TNFRSF14: variants seen among roughly 807,000 people sequenced by gnomAD.
TNFRSF14 encodes tumor necrosis factor receptor superfamily member 14.
TNFRSF14 carries 18 observed loss-of-function variants against 34.1 expected under a neutral mutation model. The observed-to-expected ratio is 0.53, with a 90% CI of 0.36 to 0.78. TNFRSF14 has a LOEUF of 0.78. Among genes scored for constraint, TNFRSF14 ranks in the 30% least tolerant of loss-of-function variants. TNFRSF14 has a pLI of 0.00. For missense variants in TNFRSF14, 352 were observed against 379.5 expected (o/e 0.93, Z 0.60); for synonymous variants, 157 against 153.2 (o/e 1.02, Z -0.18).
chr1:2,563,322 C>A lies in TNFRSF14; in HGVS notation c.*49C>A, dbSNP rs1644339047. The A allele has an allele frequency of 6.2e-7, 1 of 1,601,228 alleles. No homozygotes were observed. The highest frequency in any genetic ancestry group is 1.3e-5 in the African/African-American group (1 of 74,802). Reference sequence around the variant, plus strand: ...CCAGAGATACCTGGAGCGACGGCTGCTGAAAGAGGCTGTCCACCTGGCGGA... The same window carrying A: ...CCAGAGATACCTGGAGCGACGGCTGATGAAAGAGGCTGTCCACCTGGCGGA... On this transcript the variant is annotated 3_prime_UTR_variant, in exon 8 of 8. Coordinates refer to ENST00000355716, the MANE Select transcript of TNFRSF14 (RefSeq NM_003820.4).
Position 2,563,554 on chromosome 1 carries a change from G to A in TNFRSF14, c.*281G>A, listed in dbSNP as rs1303106178. On this transcript the variant is annotated 3_prime_UTR_variant, in exon 8 of 8. Coordinates refer to ENST00000355716, the MANE Select transcript of TNFRSF14 (RefSeq NM_003820.4). ...GAGCGCCAGTTGCCCCTCGCTCACA[G>A]ACCACACACCCAGCCCTCCTGGGCC... 3 of 432,256 alleles carry A rather than the reference G, an allele frequency of 6.9e-6. No individual in the cohort carries two copies. Among genetic ancestry groups the A allele is most frequent in the African/African-American group, 3.9e-5 (2 of 51,094 alleles). The allele number at this position is 432,256 out of a possible 1,614,324, so 26.8% of individuals were successfully genotyped here.
At position 2,561,355 on chromosome 1, in the gene TNFRSF14, A is replaced by T; in HGVS notation, c.552-318A>T. On this transcript the variant is annotated intron_variant, in intron 5 of 7. Transcript: ENST00000355716. The surrounding 1 kb of genome is among the most constrained non-coding windows in gnomAD (Gnocchi z 6.0). ...CCTCTACCTTCTGTCCTTGTCTGCC[A>T]CTGGTCTCCCGTGCTCTGGGGTCTC... The T allele has an allele frequency of 1.3e-6, 1 of 773,182 alleles. No individual in the cohort carries two copies. Among genetic ancestry groups the T allele is most frequent in the Non-Finnish European group, 2.0e-6 (1 of 488,228 alleles). The allele number at this position is 773,182 out of a possible 1,614,324, so 47.9% of individuals were successfully genotyped here.
Position 2,559,950 on chromosome 1 carries a change from C to T in TNFRSF14, c.432C>T (p.Ser144=). The T allele has an allele frequency of 6.3e-7, 1 of 1,587,404 alleles. No homozygotes were observed. Among genetic ancestry groups the T allele is most frequent in the Non-Finnish European group, 8.6e-7 (1 of 1,165,730 alleles). The change falls in exon 4 of 8, where the codon TCC becomes TCT. Residue 144 remains serine (S), a synonymous_variant. Transcript: ENST00000355716. ...HCAACRAYAT[S]SPGQRVQKGG... is the part of the protein sequence containing the mutation. ...CCGCGTGCCGCGCTTACGCCACCTC[C>T]AGCCCGGGCCAGAGGGTGCAGAAGG...
At position 2,556,698 on chromosome 1, in the gene TNFRSF14, TG is replaced by T; in HGVS notation, c.36del (p.Trp12Ter). On this transcript the variant is annotated frameshift_variant, in exon 1 of 8. Transcript: ENST00000355716. LOFTEE classifies it high-confidence loss of function. Reference protein sequence around the residue: ...EPPGDWGPPPWRSTPKTDVLR... With the variant: ...EPPGDWGPPPXRSTPKTDVLR... ...TCCTGGAGACTGGGGGCCTCCTCCC[TG>T]GAGATCCACCCCCAAAACCGACGTC... is the stretch of plus-strand genomic sequence containing the variant. 1 of 1,608,360 alleles carries T rather than the reference TG, an allele frequency of 6.2e-7. No individual in the cohort carries two copies. The highest frequency in any genetic ancestry group is 1.1e-5 in the South Asian group (1 of 90,096).
At chr1:2,559,771 A>G in intron 3 of TNFRSF14, 52 bp from the exon 4 acceptor site, 1 of 1,567,120 alleles carries the variant, frequency 6.4e-7, no homozygotes, top group Non-Finnish European at 8.6e-7. Flanking sequence ...TGGCCCGTGG[A>G]TGGTGTCCCG....
rs765427309 is a variant in TNFRSF14 at position 2,557,713 on chromosome 1, C to T, written c.70-13C>T. ...GCCAGGGCATCTCCCAATGCCTGTC[C>T]TGACCCCCTTAGGTGCTGTATCTCA... On this transcript the variant is annotated splice_polypyrimidine_tract_variant and intron_variant, in intron 1 of 7. Transcript: ENST00000355716. 3.1e-6 allele frequency: 5 copies of T among 1,588,048 alleles called. No homozygotes were observed. In the South Asian group the frequency reaches 3.4e-5, roughly 11 times the overall value.
At chr1:2,559,138 TA>T (rs1314121444) in intron 3 of TNFRSF14, 2 of 1,362,740 alleles carry the variant, frequency 1.5e-6, no homozygotes, top group South Asian at 2.5e-5. Context: ...GGCCTGAGCC[TA>T]CAGGGAGGCA....
At chr1:2,556,764 C>G in intron 1 of TNFRSF14, 31 bp downstream of exon 1, 3 of 1,564,222 alleles carry the variant, frequency 1.9e-6, no homozygotes, top group Non-Finnish European at 2.6e-6. Context: ...TCCGTCTGCT[C>G]GCAGATCCCA....
rs570275175 is a variant in TNFRSF14, at chr1:2,563,463, C to G, written c.*190C>G. 1 of 884,634 alleles carries G rather than the reference C, an allele frequency of 1.1e-6. No homozygotes were observed. Among genetic ancestry groups the G allele is most frequent in the Non-Finnish European group, 1.7e-6 (1 of 598,096 alleles). The allele number at this position is 884,634 out of a possible 1,614,324, so 54.8% of individuals were successfully genotyped here. ...AGCTGGGGACGCCACGTGCCATTCCCATGGGCCAGTGAGGGCCTGGGGCCT... is the reference window on the plus strand; with the variant it reads ...AGCTGGGGACGCCACGTGCCATTCCGATGGGCCAGTGAGGGCCTGGGGCCT... On this transcript the variant is annotated 3_prime_UTR_variant, in exon 8 of 8. Coordinates refer to ENST00000355716, the MANE Select transcript of TNFRSF14 (RefSeq NM_003820.4).
chr1:2,561,911 C>T lies in TNFRSF14; in HGVS notation c.694+96C>T. 1 of 1,361,234 alleles carries T rather than the reference C, an allele frequency of 7.3e-7. No individual in the cohort carries two copies. Among genetic ancestry groups the T allele is most frequent in the Non-Finnish European group, 1.0e-6 (1 of 992,052 alleles). 84.3% of individuals were successfully genotyped at this position (1,361,234 alleles called of 1,614,324 possible). A position where few individuals can be genotyped will look rare whatever the true frequency, so the allele number is the denominator to read the frequency against. ...CCTGGGAGGTGGCCCCAGAGCTTTTCCAGGATCCGCGGCTCCTCCCAGGGC... is the reference window on the plus strand; with the variant it reads ...CCTGGGAGGTGGCCCCAGAGCTTTTTCAGGATCCGCGGCTCCTCCCAGGGC... On this transcript the variant is annotated intron_variant, in intron 6 of 7. Coordinates refer to ENST00000355716, the MANE Select transcript of TNFRSF14 (RefSeq NM_003820.4). The surrounding 1 kb of genome is among the most constrained non-coding windows in gnomAD (Gnocchi z 6.0).
At chr1:2,560,744 G>A (rs1270022102) in intron 5 of TNFRSF14, 30 bp downstream of exon 5, 4 of 1,600,570 alleles carry the variant, frequency 2.5e-6, no homozygotes, top group East Asian at 2.2e-5. Flanking sequence ...GCCCAGCTCT[G>A]TGCCCTGGGG....
chr1:2,560,076 A>AGG (rs1644285715), intron 4 of TNFRSF14, 98 bp downstream of exon 4: 5 of 1,438,270 alleles, frequency 3.5e-6, no homozygotes, highest in Non-Finnish European at 9.2e-7. Context: ...TGGCCTGCCC[A>AGG]GGGGCCCTGG....
chr1:2,562,463 C>G (rs1187116920), intron 6 of TNFRSF14: 2 of 309,704 alleles, frequency 6.5e-6, no homozygotes, highest in African/African-American at 2.2e-5. Flanking sequence ...GGGGAGGTCT[C>G]GGGGCCTCAG....
chr1:2,561,440 C>A lies in TNFRSF14; in HGVS notation c.552-233C>A. The A allele has an allele frequency of 6.8e-7, 1 of 1,467,322 alleles. No homozygotes were observed. The highest frequency in any genetic ancestry group is 9.1e-7 in the Non-Finnish European group (1 of 1,100,270). The allele number at this position is 1,467,322 out of a possible 1,614,324, so 90.9% of individuals were successfully genotyped here. On this transcript the variant is annotated intron_variant, in intron 5 of 7. Coordinates refer to ENST00000355716, the MANE Select transcript of TNFRSF14 (RefSeq NM_003820.4). The surrounding 1 kb of genome is among the most constrained non-coding windows in gnomAD (Gnocchi z 6.0). ...TCCCTCTGCCGTCCTGTCTCCTTTG[C>A]CCAGTCTCTCCTTGTTTCTCTTCTC... is the stretch of plus-strand genomic sequence containing the variant.
rs1273436134 is a variant in TNFRSF14 at position 2,559,910 on chromosome 1, A to T, written c.392A>T (p.Asp131Val). 3 of 1,602,994 alleles carry T rather than the reference A, an allele frequency of 1.9e-6. No individual in the cohort carries two copies. Among genetic ancestry groups the T allele is most frequent in the Admixed American group, 1.7e-5 (1 of 58,926 alleles). Residue 131 changes from aspartate (D) to valine (V), a missense_variant, in exon 4 of 8, where the codon GAC becomes GTC. Transcript: ENST00000355716. ...CSPGHFCIVQ[D>V]GDHCAACRAY... ...CCAGGCCACTTCTGCATCGTCCAGG[A>T]CGGGGACCACTGCGCCGCGTGCCGC... is the stretch of plus-strand genomic sequence containing the variant.
At chr1:2,556,906 C>G (rs776558881) in intron 1 of TNFRSF14, 173 bp downstream of exon 1, 8 of 640,380 alleles carry the variant, frequency 1.2e-5, no homozygotes, top group Non-Finnish European at 2.1e-5. Context: ...ACTGGGCTCA[C>G]CACAGTGGGG....
Position 2,561,417 on chromosome 1 carries a change from C to T in TNFRSF14, c.552-256C>T. 1 of 1,397,684 alleles carries T rather than the reference C, an allele frequency of 7.2e-7. No homozygotes were observed. The highest frequency in any genetic ancestry group is 1.4e-5 in the South Asian group (1 of 69,086). The allele number at this position is 1,397,684 out of a possible 1,614,324, so 86.6% of individuals were successfully genotyped here. ...CTGCCTCCCGCTTCTCTCCCCTCTC[C>T]CTCTGCCGTCCTGTCTCCTTTGCCC... On this transcript the variant is annotated intron_variant, in intron 5 of 7. Coordinates refer to ENST00000355716, the MANE Select transcript of TNFRSF14 (RefSeq NM_003820.4). The surrounding 1 kb of genome is among the most constrained non-coding windows in gnomAD (Gnocchi z 6.0).
In TNFRSF14 at chr1:2,560,061, C is replaced by A. The variant is rs989085342; in HGVS notation, c.460+83C>A. 3.1e-5 allele frequency: 45 copies of A among 1,450,992 alleles called. No individual in the cohort carries two copies. The Admixed American group carries it at 6.8e-4, about 22-fold the overall frequency. 89.9% of individuals were successfully genotyped at this position (1,450,992 alleles called of 1,614,324 possible). On this transcript the variant is annotated intron_variant, in intron 4 of 7. Coordinates refer to ENST00000355716, the MANE Select transcript of TNFRSF14 (RefSeq NM_003820.4). ...TGTCTGGAGCCCCAGGTTTCCTCGA[C>A]GGCATGGCCTGCCCAGGGGCCCTGG... is the stretch of plus-strand genomic sequence containing the variant.
Position 2,561,791 on chromosome 1 carries a change from T to C in TNFRSF14, c.670T>C (p.Cys224Arg), listed in dbSNP as rs1442113571. 4 of 1,613,838 alleles carry C rather than the reference T, an allele frequency of 2.5e-6. No individual in the cohort carries two copies. Among genetic ancestry groups the C allele is most frequent in the Non-Finnish European group, 3.4e-6 (4 of 1,179,976 alleles). Residue 224 changes from cysteine (C) to arginine (R), a missense_variant, in exon 6 of 8, where the codon TGT (cysteine) becomes CGT (arginine). Physicochemically the swap from Cys to Arg is radical, Grantham distance 180. Coordinates refer to ENST00000355716, the MANE Select transcript of TNFRSF14 (RefSeq NM_003820.4). The surrounding 1 kb of genome is among the most constrained non-coding windows in gnomAD (Gnocchi z 6.0). ...IVCSTVGLII[C>R]VKRRKPRGDV... ...TTGCTCCACAGTTGGCCTAATCATATGTGTGAAAAGAAGAAAGCCAAGGGG... is the reference window on the plus strand; with the variant it reads ...TTGCTCCACAGTTGGCCTAATCATACGTGTGAAAAGAAGAAAGCCAAGGGG...
Sources: allele counts gnomAD v4.1 joint callset, GRCh38; gene constraint gnomAD v4.1.1; non-coding constraint Gnocchi (gnomAD v3.1); transcripts MANE v1.5; gene names NCBI Gene and HGNC (gene_info 2026-07-23, HGNC 2026-07-21).